The following RICTOR variants were observed in gnomAD, a reference collection of about 807,000 sequenced individuals.
The protein encoded by RICTOR is rapamycin-insensitive companion of mTOR.
A neutral mutation model predicts 214.9 loss-of-function variants in RICTOR; 49 were observed. That is an observed-to-expected ratio of 0.23 (90% CI 0.18 to 0.29). RICTOR has a LOEUF of 0.29. Ranked by LOEUF, RICTOR falls within the 10% of genes least tolerant of loss-of-function variation. The pLI is 1.00. For missense variants in RICTOR, 1,625 were observed against 2,047.0 expected (o/e 0.79, Z 3.98); for synonymous variants, 717 against 711.3 (o/e 1.01, Z -0.13).
intron 7 of RICTOR, among the ~76,000 whole-genome samples, chr5:38,983,125 G>A (rs1751861193): frequency 6.6e-6 from 1 of 152,098 alleles, no homozygotes; most frequent in South Asian, 2.1e-4. Context: ...CCATTGCACA[G>A]GCAGCCACTG....
chr5:39,065,974 T>C (rs1003713012), intron 2 of RICTOR, among the ~76,000 whole-genome samples: 3 of 152,238 alleles, frequency 2.0e-5, no homozygotes, highest in Non-Finnish European at 2.9e-5. Flanking sequence ...GTCTGGAGGA[T>C]GGTAGGCCCC....
At chr5:39,036,782 A>G (rs1197796252) in intron 2 of RICTOR, among the ~76,000 whole-genome samples, 1 of 152,220 alleles carries the variant, frequency 6.6e-6, no homozygotes, top group Admixed American at 6.5e-5. Context: ...CTAAATATAT[A>G]TGCACCCAAT....
At chr5:38,992,155 T>C (rs1176094788) in intron 6 of RICTOR, among the ~76,000 whole-genome samples, 4 of 152,118 alleles carry the variant, frequency 2.6e-5, no homozygotes, top group Non-Finnish European at 4.4e-5. Flanking sequence ...CAGAATACAG[T>C]TCTACAAGCA....
At chr5:39,039,059 G>C (rs939527426) in intron 2 of RICTOR, among the ~76,000 whole-genome samples, 1 of 152,070 alleles carries the variant, frequency 6.6e-6, no homozygotes, top group Admixed American at 6.6e-5. Flanking sequence ...CTACCTGACT[G>C]CAAACTATAC....
chr5:38,949,569 A>G, intron 31 of RICTOR, 143 bp downstream of exon 31: 1 of 1,048,944 alleles, frequency 9.5e-7, no homozygotes, highest in Non-Finnish European at 1.4e-6. Flanking sequence ...ATCGGGTAAC[A>G]AGGAGCTTAT....
intron 19 of RICTOR, 42 bp downstream of exon 19, chr5:38,962,273 T>C: frequency 1.0e-6 from 1 of 961,434 alleles, no homozygotes; most frequent in Non-Finnish European, 1.6e-6. Flanking sequence ...AATATCCATA[T>C]TTAAGTTCTT....
intron 3 of RICTOR, among the ~76,000 whole-genome samples, chr5:39,012,364 T>C (rs944781069): frequency 2.0e-5 from 3 of 152,164 alleles, no homozygotes; most frequent in African/African-American, 7.2e-5. Flanking sequence ...TCCTTAGGTG[T>C]CCCCAGCCCT....
chr5:39,057,988 C>T (rs951040817), intron 2 of RICTOR, among the ~76,000 whole-genome samples: 2 of 152,004 alleles, frequency 1.3e-5, no homozygotes, highest in Non-Finnish European at 2.9e-5. Context: ...CTTTTGCATA[C>T]TGAAATAAGT....
intron 3 of RICTOR, among the ~76,000 whole-genome samples, chr5:39,019,997 G>A (rs1435065559): frequency 6.6e-6 from 1 of 152,200 alleles, no homozygotes; most frequent in African/African-American, 2.4e-5. Flanking sequence ...AGGCGTTCAA[G>A]GTGTCAGTGG....
At chr5:39,038,990 A>C (rs1328782948) in intron 2 of RICTOR, among the ~76,000 whole-genome samples, 4 of 152,200 alleles carry the variant, frequency 2.6e-5, no homozygotes, top group Non-Finnish European at 5.9e-5. Flanking sequence ...TGGAACCAAA[A>C]AAGAGCCCGC....
In RICTOR at chr5:39,021,074, T is replaced by C. The variant is rs772713804; in HGVS notation, c.160A>G (p.Met54Val). Reference protein sequence around the residue: ...NVARLQGVSNMRKLGHLNNFT... With the variant: ...NVARLQGVSNVRKLGHLNNFT... ...TTATTCAGATGGCCTAGCTTTCTCA[T>C]ATTTGATACTCCCTGCAATCTGGCC... Residue 54 changes from methionine (M) to valine (V), a missense_variant, in exon 3 of 38, where the codon ATG (methionine) becomes GTG (valine). Met to Val is a conservative substitution (Grantham distance 21, BLOSUM62 1). Coordinates refer to ENST00000357387, the MANE Select transcript of RICTOR (RefSeq NM_152756.5). The C allele has an allele frequency of 7.5e-6, 12 of 1,597,746 alleles. No homozygotes were observed. Among genetic ancestry groups the C allele is most frequent in the Middle Eastern group, 1.7e-4 (1 of 6,030 alleles).
In RICTOR at chr5:38,993,048, G is replaced by A. The variant is rs561912543; in HGVS notation, c.457-1973C>T. Among the ~76,000 whole-genome samples, 11 of 152,238 alleles carry A rather than the reference G, an allele frequency of 7.2e-5. No homozygotes were observed. The East Asian group carries it at 2.1e-3, about 29-fold the overall frequency. ...AGTAACAATTGTGGTAGTAGTGGTG[G>A]GTAGTTTGCCTACACATGGTGGCAA... On this transcript the variant is annotated intron_variant, in intron 6 of 37. Coordinates refer to ENST00000357387, the MANE Select transcript of RICTOR (RefSeq NM_152756.5).
At chr5:39,029,154 T>G (rs1756083566) in intron 2 of RICTOR, among the ~76,000 whole-genome samples, 1 of 152,178 alleles carries the variant, frequency 6.6e-6, no homozygotes, top group Non-Finnish European at 1.5e-5. Context: ...GTATCTTGTT[T>G]GGAAGTAGTG....
intron 5 of RICTOR, among the ~76,000 whole-genome samples, chr5:39,000,921 A>C (rs965396150): frequency 2.6e-5 from 4 of 152,072 alleles, no homozygotes; most frequent in Admixed American, 2.6e-4. Context: ...TATGTTCAGG[A>C]CTTCTGCAAA....
intron 5 of RICTOR, among the ~76,000 whole-genome samples, 171 bp from the exon 6 acceptor site, chr5:38,997,053 G>A (rs1376059310): frequency 2.6e-5 from 4 of 151,922 alleles, no homozygotes; most frequent in African/African-American, 7.3e-5. Flanking sequence ...CATACATCTC[G>A]AGGGATAAAT....
chr5:39,068,681 C>T (rs1012256928), intron 2 of RICTOR, among the ~76,000 whole-genome samples: 3 of 152,054 alleles, frequency 2.0e-5, no homozygotes, highest in Non-Finnish European at 2.9e-5. Flanking sequence ...TACTGCCACA[C>T]GATGACATAA....
chr5:39,000,583 C>T (rs1266952930), intron 5 of RICTOR, among the ~76,000 whole-genome samples: 2 of 151,770 alleles, frequency 1.3e-5, no homozygotes, highest in Non-Finnish European at 2.9e-5. Context: ...AGTTCAAGAT[C>T]GAAACAAACT....
At chr5:39,041,927 CA>C (rs1757201684) in intron 2 of RICTOR, among the ~76,000 whole-genome samples, 1 of 96,074 alleles carries the variant, frequency 1.0e-5, no homozygotes, top group Admixed American at 1.4e-4. Context: ...GGTGACAGAG[CA>C]AGACCCTGTT....
chr5:39,054,375 T>G (rs1758067060), intron 2 of RICTOR, among the ~76,000 whole-genome samples: 1 of 152,060 alleles, frequency 6.6e-6, no homozygotes, highest in African/African-American at 2.4e-5. Context: ...GGGGAAAGAT[T>G]GACATAAATG....
Sources: gnomAD v4.1 joint callset for allele counts (sites outside exome capture counted in the v4.1 genomes callset) on GRCh38, gnomAD v4.1.1 for gene constraint, MANE v1.5 for transcripts, NCBI Gene and HGNC (gene_info 2026-07-23, HGNC 2026-07-21) for gene names.